UFL1: variants seen among roughly 807,000 people sequenced by gnomAD.
UFL1 encodes the protein E3 UFM1-protein ligase 1.
A neutral mutation model predicts 99.3 loss-of-function variants in UFL1; 78 were observed. That is an observed-to-expected ratio of 0.79 (90% CI 0.65 to 0.95). The LOEUF (loss-of-function observed/expected upper bound fraction) is 0.95. Ranked by LOEUF, UFL1 falls within the 40% of genes least tolerant of loss-of-function variation. The pLI, the probability that UFL1 is intolerant of heterozygous loss-of-function variation, is 0.00. For synonymous variants in UFL1, 335 were observed against 322.2 expected (o/e 1.04, Z -0.42); for missense variants, 936 against 937.0 (o/e 1.00, Z 0.01).
At position 96,526,183 on chromosome 6, in the gene UFL1, A is replaced by C. The variant is rs1476239619; in HGVS notation, c.351-138A>C. 4.9e-6 allele frequency: 3 copies of C among 617,672 alleles called. No homozygotes were observed. The African/African-American group carries it at 5.6e-5, about 11-fold the overall frequency. 38.3% of individuals were successfully genotyped at this position (617,672 alleles called of 1,614,324 possible). A position where few individuals can be genotyped will look rare whatever the true frequency, so the allele number is the denominator to read the frequency against. On this transcript the variant is annotated intron_variant, in intron 4 of 18. Coordinates refer to ENST00000369278, the MANE Select transcript of UFL1 (RefSeq NM_015323.5). The stretch of plus-strand genomic sequence containing the variant: ...AAAAGTATTTGTTAGAATATGAGTG[A>C]TGAGTGGTGTTCATGTACACACACA...
chr6:96,538,907 C>A, intron 10 of UFL1, 97 bp downstream of exon 10: 1 of 1,055,386 alleles, frequency 9.5e-7, no homozygotes, highest in Non-Finnish European at 1.3e-6. Flanking sequence ...AAAGTGAACA[C>A]TTTGTATCAT....
chr6:96,531,267 A>G (rs1562251947), intron 6 of UFL1, among the ~76,000 whole-genome samples: 1 of 152,162 alleles, frequency 6.6e-6, no homozygotes, highest in South Asian at 2.1e-4. Context: ...ACACCCCTCT[A>G]TACATCTGTA....
In UFL1 at chr6:96,549,742, CT is replaced by C; in HGVS notation, c.1763del (p.Phe588SerfsTer2). On this transcript the variant is annotated frameshift_variant, in exon 15 of 19. Transcript: ENST00000369278. LOFTEE classifies it high-confidence loss of function. ...CTDITNLIFN[F>X]LASDLMMAVD... ...CTGATATCACTAACCTCATTTTCAA[CT>C]TCTTAGCTTCGGATTTAATGATGGC... The C allele has an allele frequency of 6.2e-7, 1 of 1,612,058 alleles. No homozygotes were observed. Among genetic ancestry groups the C allele is most frequent in the African/African-American group, 1.3e-5 (1 of 74,854 alleles).
chr6:96,523,144 A>T lies in UFL1; in HGVS notation c.78-2A>T. The stretch of plus-strand genomic sequence containing the variant: ...TGAAACAACTTTTTTTCTTTCCCTC[A>T]GGTTGTCCGAGCGGAACTGCATTGA... On this transcript the variant is annotated splice_acceptor_variant, in intron 1 of 18. Transcript: ENST00000369278. LOFTEE classifies it high-confidence loss of function. The T allele has an allele frequency of 6.3e-7, 1 of 1,598,270 alleles. No homozygotes were observed. Among genetic ancestry groups the T allele is most frequent in the Admixed American group, 1.8e-5 (1 of 56,940 alleles).
chr6:96,521,918 C>A lies in UFL1; in HGVS notation c.45C>A (p.Phe15Leu). The change falls in exon 1 of 19, where the codon TTC (phenylalanine) becomes TTA (leucine). Residue 15 changes from phenylalanine to leucine, a missense_variant. Transcript: ENST00000369278. ...AGATTAGGCGGTTGGCGGCCGACTT[C>A]CAGCGGGCGCAGTTCGCCGAGGCCA... ...WEEIRRLAAD[F>L]QRAQFAEATQ... The A allele has an allele frequency of 6.2e-7, 1 of 1,612,678 alleles. No homozygotes were observed. The highest frequency in any genetic ancestry group is 8.5e-7 in the Non-Finnish European group (1 of 1,179,608).
Position 96,552,462 on chromosome 6 carries a change from G to A in UFL1, c.1986-20G>A. On this transcript the variant is annotated intron_variant, in intron 17 of 18. Transcript: ENST00000369278. Reference sequence around the variant, plus strand: ...TCTTAAATTATGATAATGAATTTGTGTGCTTTTTTTTTTTTTTAGACAGAT... The same window carrying A: ...TCTTAAATTATGATAATGAATTTGTATGCTTTTTTTTTTTTTTAGACAGAT... The A allele has an allele frequency of 1.3e-6, 2 of 1,495,908 alleles. No individual in the cohort carries two copies. The highest frequency in any genetic ancestry group is 2.4e-5 in the East Asian group (1 of 42,216). 92.7% of individuals were successfully genotyped at this position (1,495,908 alleles called of 1,614,324 possible).
At chr6:96,534,342 A>T in intron 7 of UFL1, 21 bp downstream of exon 7, 1 of 1,505,300 alleles carries the variant, frequency 6.6e-7, no homozygotes, top group Non-Finnish European at 9.0e-7. Context: ...TTTAAATTAT[A>T]TTTACTTAAT....
intron 12 of UFL1, among the ~76,000 whole-genome samples, chr6:96,546,275 CA>C (rs201825366): frequency 8.8e-4 from 95 of 107,536 alleles, no homozygotes; most frequent in Admixed American, 1.5e-3. Context: ...TTAATAGCTA[CA>C]AAAAAAAAAA....
intron 12 of UFL1, among the ~76,000 whole-genome samples, chr6:96,545,526 T>A (rs1162658504): frequency 6.6e-6 from 1 of 150,956 alleles, no homozygotes; most frequent in Non-Finnish European, 1.5e-5. Context: ...TTATTTGAAT[T>A]GTGATTCACA....
chr6:96,521,924 G>A lies in UFL1; in HGVS notation c.51G>A (p.Arg17=), dbSNP rs775558153. Residue 17 remains arginine (R), a synonymous_variant, in exon 1 of 19, where the codon CGG becomes CGA. Transcript: ENST00000369278. ...GGCGGTTGGCGGCCGACTTCCAGCGGGCGCAGTTCGCCGAGGCCACGCAGA... is the reference window on the plus strand; with the variant it reads ...GGCGGTTGGCGGCCGACTTCCAGCGAGCGCAGTTCGCCGAGGCCACGCAGA... ...EIRRLAADFQ[R]AQFAEATQRL... The A allele has an allele frequency of 1.9e-5, 30 of 1,612,666 alleles. No individual in the cohort carries two copies. Among genetic ancestry groups the A allele is most frequent in the Non-Finnish European group, 2.5e-5 (29 of 1,179,596 alleles).
chr6:96,536,313 C>A lies in UFL1; in HGVS notation c.725C>A (p.Ala242Asp). 6.2e-7 allele frequency: 1 copy of A among 1,611,524 alleles called. No homozygotes were observed. The highest frequency in any genetic ancestry group is 1.1e-5 in the South Asian group (1 of 90,930). Residue 242 changes from alanine (A) to aspartate (D), a missense_variant, in exon 8 of 19, where the codon GCT becomes GAT. Transcript: ENST00000369278. ...GTVVGGRQDK[A>D]VFVPDIYSRT... Reference sequence around the variant, plus strand: ...GTGGTTGGTGGGAGACAGGATAAAGCTGTGTTTGTCCCTGACATCTACTCC... The same window carrying A: ...GTGGTTGGTGGGAGACAGGATAAAGATGTGTTTGTCCCTGACATCTACTCC...
rs1319040602 is a variant in UFL1, at chr6:96,537,556, T to C, written c.978+7T>C. On this transcript the variant is annotated splice_region_variant and intron_variant, in intron 9 of 18. Transcript: ENST00000369278. ...AACATGGGTTGATATTGCAGTATGT[T>C]TTATCTTTTCCTCACTTTTCTTTAA... 16 of 1,564,182 alleles carry C rather than the reference T, an allele frequency of 1.0e-5. No individual in the cohort carries two copies. The highest frequency in any genetic ancestry group is 1.3e-5 in the Non-Finnish European group (15 of 1,161,796).
At position 96,549,544 on chromosome 6, in the gene UFL1, T is replaced by C. The variant is rs1770048118; in HGVS notation, c.1653T>C (p.Ile551=). 6.3e-7 allele frequency: 1 copy of C among 1,596,466 alleles called. No homozygotes were observed. Among genetic ancestry groups the C allele is most frequent in the South Asian group, 1.1e-5 (1 of 87,296 alleles). ...AAGTTTCAAACCTGTACAATAACAT[T>C]AGGTTATTTGAAAAAGGGATGAAGT... ...QEEVSNLYNN[I]RLFEKGMKFF... Residue 551 remains isoleucine (I), a synonymous_variant, in exon 14 of 19, where the codon ATT becomes ATC. Coordinates refer to ENST00000369278, the MANE Select transcript of UFL1 (RefSeq NM_015323.5).
chr6:96,527,889 C>T (rs1189648967), intron 5 of UFL1, among the ~76,000 whole-genome samples: 1 of 152,078 alleles, frequency 6.6e-6, no homozygotes, highest in African/African-American at 2.4e-5. Context: ...TGAAATATGT[C>T]CAGACTTATT....
chr6:96,554,656 T>G lies in UFL1; in HGVS notation c.*1153T>G, dbSNP rs1770130273. 6.6e-6 allele frequency: 1 copy of G among 152,420 alleles called. No individual in the cohort carries two copies. Among genetic ancestry groups the G allele is most frequent in the Non-Finnish European group, 1.5e-5 (1 of 67,954 alleles). The allele number at this position is 152,420 out of a possible 1,614,324, so 9.4% of individuals were successfully genotyped here. A position where few individuals can be genotyped will look rare whatever the true frequency, so the allele number is the denominator to read the frequency against. ...ATAATTCCTTATGACATTTTAAACT[T>G]TATATTTTAAAATATTTGAATACGA... On this transcript the variant is annotated 3_prime_UTR_variant, in exon 19 of 19. Transcript: ENST00000369278.
chr6:96,522,779 T>C, intron 1 of UFL1: 1 of 159,610 alleles, frequency 6.3e-6, no homozygotes, highest in Non-Finnish European at 1.4e-5. Flanking sequence ...CTGATTAAAC[T>C]GGAAATTAGG....
Position 96,530,880 on chromosome 6 carries a change from A to G in UFL1, c.596+2248A>G, listed in dbSNP as rs557914601. 5.3e-5 allele frequency among the ~76,000 whole-genome samples: 8 copies of G among 152,308 alleles called. No individual in the cohort carries two copies. In the South Asian group the frequency reaches 1.7e-3, roughly 32 times the overall value. ...CACTGCTCCCAGGCCCTCTCAAAGT[A>G]GACAAGCTAGCACAAGGGCCCTCAA... On this transcript the variant is annotated intron_variant, in intron 6 of 18. Coordinates refer to ENST00000369278, the MANE Select transcript of UFL1 (RefSeq NM_015323.5).
rs1230779485 is a variant in UFL1 at position 96,525,291 on chromosome 6, T to C, written c.253-6T>C. 1 of 1,560,600 alleles carries C rather than the reference T, an allele frequency of 6.4e-7. No individual in the cohort carries two copies. The highest frequency in any genetic ancestry group is 1.2e-5 in the South Asian group (1 of 86,482). ...ATCATTAATAGATTTTGTATTTGTT[T>C]TCCAGGTAATTAATGTGGACCTGAT... is the stretch of plus-strand genomic sequence containing the variant. On this transcript the variant is annotated splice_polypyrimidine_tract_variant and splice_region_variant and intron_variant, in intron 3 of 18. Transcript: ENST00000369278.
At chr6:96,549,821 C>T in intron 15 of UFL1, 22 bp downstream of exon 15, 1 of 1,609,180 alleles carries the variant, frequency 6.2e-7, no homozygotes, top group Non-Finnish European at 8.5e-7. Flanking sequence ...ATCTCCCTAC[C>T]ACTATTGATG....
Sources: gnomAD v4.1 joint callset for allele counts (sites outside exome capture counted in the v4.1 genomes callset) on GRCh38, gnomAD v4.1.1 for gene constraint, MANE v1.5 for transcripts, NCBI Gene and HGNC (gene_info 2026-07-23, HGNC 2026-07-21) for gene names.